Variants in CTNNBL1 observed in about 807,000 individuals in gnomAD.
The protein encoded by CTNNBL1 is catenin beta like 1, also known as beta-catenin-like protein 1.
A neutral mutation model predicts 72.7 loss-of-function variants in CTNNBL1; 31 were observed. That is an observed-to-expected ratio of 0.43 (90% CI 0.32 to 0.58). CTNNBL1 has a LOEUF of 0.58. Ranked by LOEUF, CTNNBL1 falls within the 20% of genes least tolerant of loss-of-function variation. The probability of loss-of-function intolerance (pLI) is 0.08; values close to 1 mark genes in which losing one functional copy is unlikely to be tolerated. For missense variants in CTNNBL1, 534 were observed against 725.1 expected (o/e 0.74, Z 3.03); for synonymous variants, 240 against 267.3 (o/e 0.90, Z 1.00).
At chr20:37,719,271 A>G (rs1408883335) in intron 1 of CTNNBL1, among the ~76,000 whole-genome samples, 1 of 152,130 alleles carries the variant, frequency 6.6e-6, no homozygotes, top group East Asian at 1.9e-4. Context: ...ATTTGCATAC[A>G]TTTGCTAATA....
At chr20:37,722,116 G>A (rs541318199) in intron 1 of CTNNBL1, among the ~76,000 whole-genome samples, 1 of 151,966 alleles carries the variant, frequency 6.6e-6, no homozygotes, top group Non-Finnish European at 1.5e-5. Context: ...ATATGCTTAT[G>A]GGCTACTCAT....
intron 11 of CTNNBL1, among the ~76,000 whole-genome samples, chr20:37,831,456 C>T (rs1347817640): frequency 1.3e-5 from 2 of 151,930 alleles, no homozygotes; most frequent in Non-Finnish European, 2.9e-5. Flanking sequence ...AGCTCCACCT[C>T]CTGGGTTCAC....
chr20:37,721,359 G>T (rs2073039440), intron 1 of CTNNBL1, among the ~76,000 whole-genome samples: 1 of 152,172 alleles, frequency 6.6e-6, no homozygotes, highest in Admixed American at 6.5e-5. Context: ...TGGTTATCCT[G>T]TTGACTCATT....
chr20:37,820,910 A>G (rs1288527109), intron 11 of CTNNBL1, among the ~76,000 whole-genome samples: 2 of 152,202 alleles, frequency 1.3e-5, no homozygotes, highest in African/African-American at 2.4e-5. Context: ...ATTTTGCTGC[A>G]TAATCCTTTC....
chr20:37,869,606 G>A (rs6096611), intron 15 of CTNNBL1, among the ~76,000 whole-genome samples: 1 of 152,264 alleles, frequency 6.6e-6, no homozygotes, highest in African/African-American at 2.4e-5. Context: ...CTAGCAGTCA[G>A]GCCCACATGT....
At chr20:37,855,115 A>T (rs977328987) in intron 13 of CTNNBL1, among the ~76,000 whole-genome samples, 58 of 151,854 alleles carry the variant, frequency 3.8e-4, no homozygotes, top group African/African-American at 1.3e-3. Context: ...CCAAAAAAAA[A>T]AAAAAAAAGC....
At chr20:37,810,128 C>T (rs536990752) in intron 11 of CTNNBL1, among the ~76,000 whole-genome samples, 3 of 152,030 alleles carry the variant, frequency 2.0e-5, no homozygotes, top group Non-Finnish European at 4.4e-5. Flanking sequence ...GTATCTTAGT[C>T]CATTTTGTGT....
At chr20:37,807,991 C>T (rs912790851) in intron 11 of CTNNBL1, among the ~76,000 whole-genome samples, 4 of 152,114 alleles carry the variant, frequency 2.6e-5, no homozygotes, top group Non-Finnish European at 4.4e-5. Context: ...CCTCGTATTG[C>T]TTCATTAGGT....
At chr20:37,741,491 C>T (rs1440195581) in intron 3 of CTNNBL1, among the ~76,000 whole-genome samples, 1 of 152,162 alleles carries the variant, frequency 6.6e-6, no homozygotes, top group Admixed American at 6.5e-5. Context: ...CTGTGTCTTC[C>T]TTGATCAGGT....
chr20:37,747,289 C>A (rs1212793241), intron 4 of CTNNBL1, among the ~76,000 whole-genome samples: 1 of 147,384 alleles, frequency 6.8e-6, no homozygotes, highest in African/African-American at 2.5e-5. Flanking sequence ...GCAGGAAAAG[C>A]TCTTGAACCT....
intron 11 of CTNNBL1, among the ~76,000 whole-genome samples, chr20:37,828,489 G>A (rs2072179991): frequency 2.0e-5 from 3 of 152,160 alleles, no homozygotes; most frequent in East Asian, 3.8e-4. Context: ...CTAGCTGTGA[G>A]ACCCTGGAAG....
chr20:37,770,260 T>C (rs925435344), intron 7 of CTNNBL1, among the ~76,000 whole-genome samples: 11 of 152,336 alleles, frequency 7.2e-5, no homozygotes, highest in African/African-American at 2.6e-4. Context: ...CTAAACTCCG[T>C]TTCTTCTTTC....
chr20:37,848,976 C>T lies in CTNNBL1; in HGVS notation c.1392+6557C>T, dbSNP rs141300150. Among the ~76,000 whole-genome samples the T allele has an allele frequency of 2.7e-4, 41 of 152,282 alleles. No homozygotes were observed. In the East Asian group the frequency reaches 6.8e-3, roughly 25 times the overall value. ...GCCCTAGCCCTGTATAATCTCTTCC[C>T]CTACTGCCCATATTAGGGCAGTTTA... On this transcript the variant is annotated intron_variant, in intron 13 of 15. Coordinates refer to ENST00000361383, the MANE Select transcript of CTNNBL1 (RefSeq NM_030877.5).
intron 1 of CTNNBL1, among the ~76,000 whole-genome samples, chr20:37,700,001 T>C (rs2072826211): frequency 6.6e-6 from 1 of 152,208 alleles, no homozygotes; most frequent in Admixed American, 6.5e-5. Context: ...CGCGACTCTC[T>C]CTGAGGCCCC....
intron 1 of CTNNBL1, among the ~76,000 whole-genome samples, chr20:37,723,222 TGGTA>T (rs1365721192): frequency 6.6e-6 from 1 of 152,240 alleles, no homozygotes; most frequent in Non-Finnish European, 1.5e-5. Context: ...AATAATTTTT[TGGTA>T]GGAAAAATGG....
At chr20:37,776,756 A>C (rs886844717) in intron 7 of CTNNBL1, among the ~76,000 whole-genome samples, 2 of 152,216 alleles carry the variant, frequency 1.3e-5, no homozygotes, top group Admixed American at 6.5e-5. Context: ...GGGTGTTAAA[A>C]TATTAACACA....
intron 10 of CTNNBL1, among the ~76,000 whole-genome samples, chr20:37,802,627 A>G (rs1354124710): frequency 6.6e-6 from 1 of 152,146 alleles, no homozygotes; most frequent in Non-Finnish European, 1.5e-5. Context: ...TTTAATGTAC[A>G]TTTTTCATGT....
At chr20:37,848,146 C>CTT (rs397866131) in intron 13 of CTNNBL1, among the ~76,000 whole-genome samples, 11 of 87,778 alleles carry the variant, frequency 1.3e-4, no homozygotes, top group Non-Finnish European at 2.1e-4. Flanking sequence ...CCACTGCCAG[C>CTT]TTTTTTTTTT....
intron 1 of CTNNBL1, 52 bp from the exon 2 acceptor site, chr20:37,732,827 C>G: frequency 6.4e-7 from 1 of 1,554,826 alleles, no homozygotes; most frequent in Non-Finnish European, 8.8e-7. Context: ...GCCACCACGC[C>G]TGGCTTCTAT....
Sources: allele counts gnomAD v4.1 joint callset (sites outside exome capture counted in the v4.1 genomes callset), GRCh38; gene constraint gnomAD v4.1.1; transcripts MANE v1.5; gene names NCBI Gene and HGNC (gene_info 2026-07-23, HGNC 2026-07-21).